The following TP73 variants were observed in gnomAD, a reference collection of about 807,000 sequenced individuals.
The protein encoded by TP73 is tumor protein p73, also known as p53-like transcription factor.
TP73 carries 25 observed loss-of-function variants against 62.5 expected under a neutral mutation model. That is an observed-to-expected ratio of 0.40 (90% confidence interval 0.29 to 0.56). The LOEUF (loss-of-function observed/expected upper bound fraction) is 0.56. TP73 is among the 20% of genes least tolerant of loss of function. The pLI is 0.46. For synonymous variants in TP73, 423 were observed against 377.5 expected (o/e 1.12, Z -1.40); for missense variants, 754 against 913.3 (o/e 0.83, Z 2.25).
intron 5 of TP73, 49 bp from the exon 6 acceptor site, chr1:3,723,305 G>A (rs773915097): frequency 4.7e-6 from 7 of 1,480,436 alleles, no homozygotes; most frequent in Non-Finnish European, 6.6e-6. Context: ...CCTAGCACAG[G>A]GGTGGGCACC....
At position 3,666,135 on chromosome 1, in the gene TP73, A is replaced by G. The variant is rs1328259394; in HGVS notation, c.-34+13494A>G. The stretch of plus-strand genomic sequence containing the variant: ...GCAAAACTCTGTCTCAAAAAAAAAA[A>G]AAAAAAAAAAAAAAAAGAGAGAGAG... On this transcript the variant is annotated intron_variant, in intron 1 of 13. Coordinates refer to ENST00000378295, the MANE Select transcript of TP73 (RefSeq NM_005427.4). The surrounding 1 kb of genome is among the most constrained non-coding windows in gnomAD (Gnocchi z 6.4). 6.8e-6 allele frequency among the ~76,000 whole-genome samples: 1 copy of G among 147,470 alleles called. No individual in the cohort carries two copies. The highest frequency in any genetic ancestry group is 1.5e-5 in the Non-Finnish European group (1 of 66,632).
chr1:3,711,848 G>GTGTGTGTA lies in TP73; in HGVS notation c.429+4064_429+4065insATGTGTGT, dbSNP rs760510553. Among the ~76,000 whole-genome samples, 895 of 105,600 alleles carry GTGTGTGTA rather than the reference G, an allele frequency of 8.5e-3. 7 individuals carry two copies. The highest frequency in any genetic ancestry group is 0.013 in the Non-Finnish European group (587 of 45,952). 69.3% of individuals were successfully genotyped at this position (105,600 alleles called of 152,430 possible). On this transcript the variant is annotated intron_variant, in intron 4 of 13. Coordinates refer to ENST00000378295, the MANE Select transcript of TP73 (RefSeq NM_005427.4). ...TGTGTGTGTGCGCGAGCGTGTGTAT[G>GTGTGTGTA]TGTGTGTGTGTGTGTGTGTGCGCGA...
At chr1:3,710,741 GCACACA>G (rs201364887) in intron 4 of TP73, among the ~76,000 whole-genome samples, 1 of 152,190 alleles carries the variant, frequency 6.6e-6, no homozygotes, top group Non-Finnish European at 1.5e-5. Flanking sequence ...ACACGCATGT[GCACACA>G]CACAGACACA....
chr1:3,702,093 G>A (rs1570516089), intron 3 of TP73, among the ~76,000 whole-genome samples: 1 of 152,216 alleles, frequency 6.6e-6, no homozygotes, highest in East Asian at 1.9e-4. Flanking sequence ...CCCACCTTGT[G>A]GGAACCCCCA....
intron 3 of TP73, among the ~76,000 whole-genome samples, chr1:3,684,350 T>C (rs941646175): frequency 1.3e-5 from 2 of 152,146 alleles, no homozygotes; most frequent in Non-Finnish European, 2.9e-5. Flanking sequence ...TCACTTATGC[T>C]CAGCCCGAAA....
intron 3 of TP73, among the ~76,000 whole-genome samples, chr1:3,705,170 G>T (rs996610966): frequency 6.6e-6 from 1 of 152,244 alleles, no homozygotes; most frequent in Admixed American, 6.5e-5. Flanking sequence ...CCAGAATGCT[G>T]GGATTACGGG....
chr1:3,658,531 G>A (rs375584029), intron 1 of TP73, among the ~76,000 whole-genome samples: 20 of 137,824 alleles, frequency 1.5e-4, no homozygotes, highest in African/African-American at 4.4e-4. Context: ...GGGCATAAAG[G>A]CTGCCTCGTG....
chr1:3,725,971 G>C (rs1167805391), intron 6 of TP73, among the ~76,000 whole-genome samples: 2 of 120,768 alleles, frequency 1.7e-5, no homozygotes, highest in East Asian at 5.4e-4. Context: ...GATGGATGGG[G>C]TGGATGGGTG....
chr1:3,655,678 T>C (rs1644850305), intron 1 of TP73, among the ~76,000 whole-genome samples: 1 of 152,246 alleles, frequency 6.6e-6, no homozygotes, highest in Non-Finnish European at 1.5e-5. Context: ...AGTGATCACT[T>C]ACTCCTACCA....
At chr1:3,732,643 G>A in intron 13 of TP73, 104 bp from the exon 14 acceptor site, 1 of 1,055,922 alleles carries the variant, frequency 9.5e-7, no homozygotes. Context: ...GGTTGGGGGT[G>A]TAGGGGCCAG....
At chr1:3,702,145 G>A (rs1350662852) in intron 3 of TP73, among the ~76,000 whole-genome samples, 4 of 152,198 alleles carry the variant, frequency 2.6e-5, no homozygotes, top group Non-Finnish European at 2.9e-5. Context: ...GACGGTAGAT[G>A]CTGGTGCTTG....
chr1:3,671,195 G>C (rs1645232859), intron 1 of TP73, among the ~76,000 whole-genome samples: 1 of 152,212 alleles, frequency 6.6e-6, no homozygotes, highest in Non-Finnish European at 1.5e-5. Context: ...CTGCCTCAGG[G>C]ATGGCAGGGG....
intron 6 of TP73, among the ~76,000 whole-genome samples, chr1:3,726,275 TGTGG>T (rs1283158012): frequency 3.2e-4 from 3 of 9,280 alleles, no homozygotes; most frequent in African/African-American, 6.8e-4. Context: ...GGGGTGGATG[TGTGG>T]GTGGGTGGGT....
chr1:3,731,577 G>C (rs375723027), intron 13 of TP73, 21 bp downstream of exon 13: 1 of 1,609,094 alleles, frequency 6.2e-7, no homozygotes, highest in Admixed American at 1.7e-5. Flanking sequence ...GGTGGACCCC[G>C]CTCTGCAGAG....
rs3765695 is a variant in TP73, at chr1:3,670,813, C to A, written c.-33-11520C>A. On this transcript the variant is annotated intron_variant, in intron 1 of 13. Transcript: ENST00000378295. This position sits in a 1 kb window ranked among gnomAD's most constrained non-coding sequence, Gnocchi z 5.9. ...CTGACCTGACCTGCTGGGCCCCGCC[C>A]GCTCAAACCAAATCATGGATTCTGT... Among the ~76,000 whole-genome samples the A allele has an allele frequency of 0.17, 26,474 of 152,218 alleles. 2,303 individuals carry two copies. The highest frequency in any genetic ancestry group is 0.23 in the Middle Eastern group (68 of 294).
intron 1 of TP73, among the ~76,000 whole-genome samples, chr1:3,657,467 CCTAA>C: frequency 6.6e-6 from 1 of 152,236 alleles, no homozygotes; most frequent in South Asian, 2.1e-4. Flanking sequence ...GAGACCCTTA[CCTAA>C]GTGGCATCTG....
chr1:3,717,317 G>A (rs1316499803), intron 4 of TP73, among the ~76,000 whole-genome samples: 2 of 152,208 alleles, frequency 1.3e-5, no homozygotes, highest in Non-Finnish European at 1.5e-5. Context: ...TTGTACTGGG[G>A]CGGGGGAGGA....
rs373969374 is a variant in TP73, at chr1:3,722,216, C to T, written c.616+9C>T. The T allele has an allele frequency of 6.2e-7, 1 of 1,612,208 alleles. No homozygotes were observed. Among genetic ancestry groups the T allele is most frequent in the African/African-American group, 1.3e-5 (1 of 74,920 alleles). ...GAGGGACTTCAACGAAGGTGAGGGCCCCCAGCTCCTCTGCCCACGGTGGCA... is the reference window on the plus strand; with the variant it reads ...GAGGGACTTCAACGAAGGTGAGGGCTCCCAGCTCCTCTGCCCACGGTGGCA... On this transcript the variant is annotated intron_variant, in intron 5 of 13. Transcript: ENST00000378295.
At position 3,699,808 on chromosome 1, in the gene TP73, G is replaced by C. The variant is rs185281732; in HGVS notation, c.187-7741G>C. 2.1e-3 allele frequency among the ~76,000 whole-genome samples: 321 copies of C among 152,304 alleles called. No homozygotes were observed. Among genetic ancestry groups the C allele is most frequent in the Middle Eastern group, 0.02 (6 of 294 alleles). The stretch of plus-strand genomic sequence containing the variant: ...GTGGAGCTGGGGAGGGGCCAGCGGG[G>C]CGTCAGGATTTCAGCTGACATCCCT... On this transcript the variant is annotated intron_variant, in intron 3 of 13. Transcript: ENST00000378295. The surrounding 1 kb of genome is among the most constrained non-coding windows in gnomAD (Gnocchi z 4.1).
Sources: allele counts gnomAD v4.1 joint callset (sites outside exome capture counted in the v4.1 genomes callset), GRCh38; gene constraint gnomAD v4.1.1; non-coding constraint Gnocchi (gnomAD v3.1); transcripts MANE v1.5; gene names NCBI Gene and HGNC (gene_info 2026-07-23, HGNC 2026-07-21).